Variants in LRRTM4 observed in about 807,000 individuals in gnomAD.
The protein encoded by LRRTM4 is leucine rich repeat transmembrane neuronal 4, also known as leucine-rich repeat transmembrane neuronal protein 4.
In LRRTM4, 25 loss-of-function variants were observed where a neutral mutation model predicts 47.6. The observed-to-expected ratio is 0.53, with a 90% CI of 0.38 to 0.73. The LOEUF is 0.73. LRRTM4 is among the 30% of genes least tolerant of loss of function. LRRTM4 has a pLI of 0.00. For missense variants in LRRTM4, 638 were observed against 713.4 expected (o/e 0.89, Z 1.20); for synonymous variants, 311 against 269.5 (o/e 1.15, Z -1.51).
At chr2:77,365,069 A>G (rs1224173627) in intron 3 of LRRTM4, among the ~76,000 whole-genome samples, 1 of 151,896 alleles carries the variant, frequency 6.6e-6, no homozygotes, top group Non-Finnish European at 1.5e-5. Flanking sequence ...AACACTAATG[A>G]GATATAAGAA....
chr2:77,101,139 T>C (rs998871880), intron 3 of LRRTM4, among the ~76,000 whole-genome samples: 1 of 152,090 alleles, frequency 6.6e-6, no homozygotes, highest in African/African-American at 2.4e-5. Flanking sequence ...AATCTTACCA[T>C]CTATAGACTA....
At chr2:76,986,644 G>A (rs559240680) in intron 3 of LRRTM4, among the ~76,000 whole-genome samples, 1 of 152,014 alleles carries the variant, frequency 6.6e-6, no homozygotes, top group South Asian at 2.1e-4. Flanking sequence ...AACTGGCACA[G>A]CTATCCTGGC....
chr2:77,325,913 C>G (rs533938161), intron 3 of LRRTM4, among the ~76,000 whole-genome samples: 3 of 152,246 alleles, frequency 2.0e-5, no homozygotes, highest in African/African-American at 7.2e-5. Flanking sequence ...TTTGAGAAAA[C>G]AGTAGAAGCA....
chr2:77,237,852 AC>A (rs757665913), intron 3 of LRRTM4, among the ~76,000 whole-genome samples: 1 of 152,092 alleles, frequency 6.6e-6, no homozygotes, highest in Admixed American at 6.6e-5. Context: ...ACAAGTAAAG[AC>A]CCCCTGTGAC....
intron 3 of LRRTM4, among the ~76,000 whole-genome samples, chr2:77,127,964 G>A (rs1049051913): frequency 6.6e-6 from 1 of 152,128 alleles, no homozygotes; most frequent in African/African-American, 2.4e-5. Flanking sequence ...GCAACATGGT[G>A]AAACCCTGTC....
chr2:76,838,806 A>C (rs1671590826), intron 3 of LRRTM4, among the ~76,000 whole-genome samples: 1 of 152,122 alleles, frequency 6.6e-6, no homozygotes, highest in Non-Finnish European at 1.5e-5. Flanking sequence ...GGATGGACTC[A>C]AAGAGCTAGA....
At chr2:77,414,615 C>G (rs1006608907) in intron 3 of LRRTM4, among the ~76,000 whole-genome samples, 24 of 152,170 alleles carry the variant, frequency 1.6e-4, no homozygotes, top group Non-Finnish European at 1.5e-4. Context: ...AACGGATGTG[C>G]TTTTTCCTAC....
intron 3 of LRRTM4, among the ~76,000 whole-genome samples, chr2:77,002,705 C>T (rs1677477657): frequency 6.6e-6 from 1 of 152,036 alleles, no homozygotes; most frequent in African/African-American, 2.4e-5. Flanking sequence ...GCCCTTGTTG[C>T]TTCCTTGGTG....
chr2:77,137,957 G>C (rs971516542), intron 3 of LRRTM4, among the ~76,000 whole-genome samples: 6 of 152,074 alleles, frequency 3.9e-5, no homozygotes, highest in Non-Finnish European at 8.8e-5. Context: ...CAATACAGGA[G>C]CACCCAGATT....
intron 3 of LRRTM4, among the ~76,000 whole-genome samples, chr2:77,011,563 G>T (rs1446990618): frequency 6.6e-6 from 1 of 150,944 alleles, no homozygotes; most frequent in East Asian, 1.9e-4. Flanking sequence ...GTGTGTGTGT[G>T]TGTGTGTGTG....
At chr2:77,240,455 T>C (rs1675227241) in intron 3 of LRRTM4, among the ~76,000 whole-genome samples, 1 of 151,990 alleles carries the variant, frequency 6.6e-6, no homozygotes, top group Non-Finnish European at 1.5e-5. Flanking sequence ...TCAAAAATTG[T>C]TTCTTGCCAT....
chr2:77,045,305 G>C (rs1679197380), intron 3 of LRRTM4, among the ~76,000 whole-genome samples: 1 of 151,874 alleles, frequency 6.6e-6, no homozygotes, highest in African/African-American at 2.4e-5. Flanking sequence ...AGTTTCAACA[G>C]TTGTCTTTTC....
intron 3 of LRRTM4, among the ~76,000 whole-genome samples, chr2:77,442,059 G>A (rs1324551292): frequency 6.6e-6 from 1 of 152,112 alleles, no homozygotes; most frequent in African/African-American, 2.4e-5. Flanking sequence ...AAATTCTTTA[G>A]TACCAACGCT....
chr2:77,272,506 T>C (rs2104074402), intron 3 of LRRTM4, among the ~76,000 whole-genome samples: 1 of 152,310 alleles, frequency 6.6e-6, no homozygotes, highest in East Asian at 1.9e-4. Flanking sequence ...TGATCATCAT[T>C]TCTAATTTCT....
chr2:76,871,039 AAG>A, intron 3 of LRRTM4, among the ~76,000 whole-genome samples: 1 of 152,306 alleles, frequency 6.6e-6, no homozygotes, highest in Middle Eastern at 3.4e-3. Context: ...TTAGGTTGCA[AAG>A]CAGTATGATG....
At chr2:76,871,174 G>A (rs898814033) in intron 3 of LRRTM4, among the ~76,000 whole-genome samples, 1 of 152,062 alleles carries the variant, frequency 6.6e-6, no homozygotes, top group Non-Finnish European at 1.5e-5. Flanking sequence ...CATACATATA[G>A]AGATGCTAAA....
At chr2:76,749,267 T>C (rs1672763445) in intron 3 of LRRTM4, among the ~76,000 whole-genome samples, 1 of 152,114 alleles carries the variant, frequency 6.6e-6, no homozygotes, top group South Asian at 2.1e-4. Context: ...CTTAACAATA[T>C]AGGGGAGGAT....
chr2:77,068,789 C>A (rs1040201889), intron 3 of LRRTM4, among the ~76,000 whole-genome samples: 1 of 152,204 alleles, frequency 6.6e-6, no homozygotes, highest in Non-Finnish European at 1.5e-5. Flanking sequence ...TGGCCATAAA[C>A]AAAATCTCTA....
chr2:77,190,092 T>C (rs367849628), intron 3 of LRRTM4, among the ~76,000 whole-genome samples: 5 of 152,066 alleles, frequency 3.3e-5, no homozygotes, highest in African/African-American at 1.2e-4. Context: ...CCTTGAGCCA[T>C]TGACTCACTC....
Sources: gnomAD v4.1 joint callset for allele counts (sites outside exome capture counted in the v4.1 genomes callset) on GRCh38, gnomAD v4.1.1 for gene constraint, MANE v1.5 for transcripts, NCBI Gene and HGNC (gene_info 2026-07-23, HGNC 2026-07-21) for gene names.